The following CMTM7 variants were observed in gnomAD, a reference collection of about 807,000 sequenced individuals.
The protein encoded by CMTM7 is CKLF like MARVEL transmembrane domain containing 7.
Under a neutral mutation model 19.3 loss-of-function variants are expected in CMTM7, and 7 were observed. The ratio of observed to expected loss-of-function variants is 0.36; its 90% CI spans 0.21 to 0.68. CMTM7 has a LOEUF of 0.68. Among genes scored for constraint, CMTM7 ranks in the 30% least tolerant of loss-of-function variants. The pLI is 0.60. For missense variants in CMTM7, 193 were observed against 232.6 expected (o/e 0.83, Z 1.11); for synonymous variants, 87 against 99.3 (o/e 0.88, Z 0.74).
chr3:32,404,282 T>A (rs1398285496), intron 1 of CMTM7, among the ~76,000 whole-genome samples: 1 of 151,256 alleles, frequency 6.6e-6, no homozygotes, highest in Non-Finnish European at 1.5e-5. Flanking sequence ...TGCTTCAGCC[T>A]CCTGAGTAGC....
chr3:32,448,132 A>G (rs2125643109), intron 2 of CMTM7, among the ~76,000 whole-genome samples: 1 of 152,308 alleles, frequency 6.6e-6, no homozygotes, highest in South Asian at 2.1e-4. Flanking sequence ...GGACAGACTC[A>G]GCCACACATT....
chr3:32,418,578 A>G (rs1327197061), intron 1 of CMTM7, among the ~76,000 whole-genome samples: 1 of 152,184 alleles, frequency 6.6e-6, no homozygotes, highest in African/African-American at 2.4e-5. Context: ...ATTTTTGCAT[A>G]AGGGTTAAGT....
intron 1 of CMTM7, among the ~76,000 whole-genome samples, chr3:32,424,295 C>T (rs78140886): frequency 0.021 from 3,210 of 152,222 alleles, 33 homozygotes; most frequent in African/African-American, 0.041. Flanking sequence ...CCTGAGAGTG[C>T]GGACCAGAAA....
At chr3:32,452,938 T>C (rs1696859096) in intron 4 of CMTM7, among the ~76,000 whole-genome samples, 1 of 126,420 alleles carries the variant, frequency 7.9e-6, no homozygotes, top group African/African-American at 3.0e-5. Flanking sequence ...TTTTTTTTTT[T>C]TTTTTTTTTT....
chr3:32,411,479 A>G (rs896491466), intron 1 of CMTM7, among the ~76,000 whole-genome samples: 3 of 152,308 alleles, frequency 2.0e-5, no homozygotes, highest in South Asian at 2.1e-4. Context: ...ATTGTCCTCT[A>G]TGCTATCAAG....
chr3:32,433,198 A>G (rs778996974), intron 1 of CMTM7, among the ~76,000 whole-genome samples: 3 of 152,216 alleles, frequency 2.0e-5, no homozygotes, highest in Non-Finnish European at 4.4e-5. Flanking sequence ...ATAAGTGTCA[A>G]TTTTGCTTCT....
At chr3:32,404,987 A>G (rs1213015075) in intron 1 of CMTM7, among the ~76,000 whole-genome samples, 1 of 152,224 alleles carries the variant, frequency 6.6e-6, no homozygotes, top group East Asian at 1.9e-4. Flanking sequence ...TGCCTTGTTG[A>G]GAGAGGGCCT....
rs1373017776 is a variant in CMTM7, at chr3:32,398,231, T to A, written c.159+6166T>A. Among the ~76,000 whole-genome samples the A allele has an allele frequency of 5.9e-5, 9 of 152,240 alleles. No individual in the cohort carries two copies. In the South Asian group the frequency reaches 8.3e-4, roughly 14 times the overall value. ...CTGCTATGCTGTTAATCTTACGCTA[T>A]GTGAAATACAGCTATTAACAGGATA... is the stretch of plus-strand genomic sequence containing the variant. On this transcript the variant is annotated intron_variant, in intron 1 of 4. Coordinates refer to ENST00000334983, the MANE Select transcript of CMTM7 (RefSeq NM_138410.4).
At chr3:32,403,078 G>A (rs1286614729) in intron 1 of CMTM7, among the ~76,000 whole-genome samples, 2 of 151,772 alleles carry the variant, frequency 1.3e-5, no homozygotes, top group African/African-American at 4.8e-5. Context: ...AACATTGTTT[G>A]TGAAAAAATC....
At chr3:32,393,270 T>G (rs1477568621) in intron 1 of CMTM7, among the ~76,000 whole-genome samples, 2 of 152,196 alleles carry the variant, frequency 1.3e-5, no homozygotes, top group Non-Finnish European at 2.9e-5. Context: ...GGTGTCTAGA[T>G]AGACCAAAAA....
chr3:32,430,272 T>G (rs1187733465), intron 1 of CMTM7, among the ~76,000 whole-genome samples: 4 of 152,214 alleles, frequency 2.6e-5, no homozygotes, highest in Admixed American at 6.5e-5. Context: ...TCATCTCATC[T>G]GCAATCATTA....
At chr3:32,436,753 G>A (rs1309443110) in intron 1 of CMTM7, among the ~76,000 whole-genome samples, 1 of 152,248 alleles carries the variant, frequency 6.6e-6, no homozygotes, top group East Asian at 1.9e-4. Context: ...CACACTCAGT[G>A]GACCAGACTT....
chr3:32,446,246 T>G (rs1337195200), intron 2 of CMTM7, among the ~76,000 whole-genome samples: 1 of 152,212 alleles, frequency 6.6e-6, no homozygotes, highest in African/African-American at 2.4e-5. Context: ...AGTATATATG[T>G]CTAGGAATTT....
At chr3:32,412,585 G>GT in intron 1 of CMTM7, among the ~76,000 whole-genome samples, 1 of 147,294 alleles carries the variant, frequency 6.8e-6, no homozygotes, top group Non-Finnish European at 1.5e-5. Flanking sequence ...TGGGTCTTAA[G>GT]TTGAAGGGAT....
intron 1 of CMTM7, among the ~76,000 whole-genome samples, chr3:32,413,240 A>G (rs994694948): frequency 8.5e-5 from 13 of 152,248 alleles, no homozygotes; most frequent in African/African-American, 3.1e-4. Flanking sequence ...TCGCTGTTTT[A>G]CGGTATGCAG....
chr3:32,414,246 C>G (rs901676345), intron 1 of CMTM7, among the ~76,000 whole-genome samples: 3 of 152,184 alleles, frequency 2.0e-5, no homozygotes, highest in African/African-American at 7.2e-5. Flanking sequence ...AATGACCAAG[C>G]TACATTTTCT....
chr3:32,401,632 A>G (rs1320543381), intron 1 of CMTM7, among the ~76,000 whole-genome samples: 1 of 152,236 alleles, frequency 6.6e-6, no homozygotes. Flanking sequence ...CTGGACAGCC[A>G]TCTGTTTCCT....
chr3:32,399,433 C>T (rs1427412262), intron 1 of CMTM7, among the ~76,000 whole-genome samples: 1 of 152,028 alleles, frequency 6.6e-6, no homozygotes, highest in Non-Finnish European at 1.5e-5. Flanking sequence ...AGGAGCCTTC[C>T]CAGACTGGGT....
intron 1 of CMTM7, among the ~76,000 whole-genome samples, chr3:32,397,196 A>G (rs1695931283): frequency 6.6e-6 from 1 of 152,192 alleles, no homozygotes; most frequent in Non-Finnish European, 1.5e-5. Context: ...GAACGCACCC[A>G]TTGCAAATAC....
Sources: gnomAD v4.1 joint callset for allele counts (sites outside exome capture counted in the v4.1 genomes callset) on GRCh38, gnomAD v4.1.1 for gene constraint, MANE v1.5 for transcripts, NCBI Gene and HGNC (gene_info 2026-07-23, HGNC 2026-07-21) for gene names.